Variants in ITGAL observed in about 807,000 individuals in gnomAD.
ITGAL encodes the protein integrin subunit alpha L, also known as integrin alpha-L.
Under a neutral mutation model 138.4 loss-of-function variants are expected in ITGAL, and 68 were observed. That is an observed-to-expected ratio of 0.49 (90% CI 0.40 to 0.60). The LOEUF is 0.60. ITGAL is among the 20% of genes least tolerant of loss of function. The pLI is 0.00. For missense variants in ITGAL, 1,256 were observed against 1,478.6 expected, an observed-to-expected ratio of 0.85 and a Z score of 2.47; for synonymous variants, 561 against 584.3, an observed-to-expected ratio of 0.96 and a Z score of 0.57.
chr16:30,496,065 T>C (rs746817493), intron 13 of ITGAL, 32 bp from the exon 14 acceptor site: 2 of 1,566,082 alleles, frequency 1.3e-6, no homozygotes, highest in African/African-American at 2.7e-5. Context: ...GCTGAGTGAC[T>C]TGGGTGTGAC....
Position 30,517,635 on chromosome 16 carries a change from C to T in ITGAL, c.2977-14C>T. 1 of 1,612,896 alleles carries T rather than the reference C, an allele frequency of 6.2e-7. No individual in the cohort carries two copies. The highest frequency in any genetic ancestry group is 8.5e-7 in the Non-Finnish European group (1 of 1,178,904). On this transcript the variant is annotated splice_polypyrimidine_tract_variant and intron_variant, in intron 26 of 30. Transcript: ENST00000356798. ...TGGGGAGGCTCTAACTGAAGACCTG[C>T]CGCTTGTTCCTAGGAGCCTCCCGTG...
chr16:30,515,631 C>T (rs1280345341), intron 25 of ITGAL, among the ~76,000 whole-genome samples: 2 of 152,168 alleles, frequency 1.3e-5, no homozygotes, highest in Non-Finnish European at 2.9e-5. Context: ...TCCTGGCTCC[C>T]CACATGTCTC....
intron 14 of ITGAL, 22 bp downstream of exon 14, chr16:30,496,316 T>C (rs2050799392): frequency 1.9e-6 from 3 of 1,602,150 alleles, no homozygotes; most frequent in Non-Finnish European, 2.6e-6. Flanking sequence ...TGCCTGCCAA[T>C]CACACTCCAT....
At chr16:30,492,527 C>T (rs371759591) in intron 11 of ITGAL, among the ~76,000 whole-genome samples, 8 of 151,610 alleles carry the variant, frequency 5.3e-5, no homozygotes, top group African/African-American at 1.9e-4. Context: ...GCTGGGATTA[C>T]AGGCGTGTGC....
At position 30,509,171 on chromosome 16, in the gene ITGAL, C is replaced by T. The variant is rs371445843; in HGVS notation, c.2509-1190C>T. Among the ~76,000 whole-genome samples the T allele has an allele frequency of 1.1e-4, 16 of 141,098 alleles. No individual in the cohort carries two copies. In the East Asian group the frequency reaches 2.3e-3, roughly 20 times the overall value. 92.6% of individuals were successfully genotyped at this position (141,098 alleles called of 152,430 possible). On this transcript the variant is annotated intron_variant, in intron 21 of 30. Coordinates refer to ENST00000356798, the MANE Select transcript of ITGAL (RefSeq NM_002209.3). ...AGCCTGGGTGACAACAGCAAGACTC[C>T]ATCTCAAAAAAAAAAAAAAAAGAGA...
In ITGAL at chr16:30,496,250, A is replaced by C. The variant is rs1049539142; in HGVS notation, c.1657A>C (p.Ile553Leu). ...APLEEQGAVY[I>L]FNGRHGGLSP... Reference sequence around the variant, plus strand: ...TCTGGAGGAGCAGGGGGCTGTGTACATCTTCAATGGGAGGCACGGGGGGCT... The same window carrying C: ...TCTGGAGGAGCAGGGGGCTGTGTACCTCTTCAATGGGAGGCACGGGGGGCT... Residue 553 changes from isoleucine to leucine, a missense_variant, in exon 14 of 31, where the codon ATC (isoleucine) becomes CTC (leucine). Transcript: ENST00000356798. The C allele has an allele frequency of 3.1e-6, 5 of 1,606,574 alleles. No homozygotes were observed. In the South Asian group the frequency reaches 3.3e-5, roughly 11 times the overall value.
intron 6 of ITGAL, chr16:30,481,185 A>ACCG: frequency 2.7e-6 from 1 of 373,626 alleles, no homozygotes; most frequent in East Asian, 6.1e-5. Flanking sequence ...CACACACACC[A>ACCG]CACACACACA....
chr16:30,484,805 G>A (rs1270850219), intron 9 of ITGAL, among the ~76,000 whole-genome samples: 1 of 150,544 alleles, frequency 6.6e-6, no homozygotes, highest in Non-Finnish European at 1.5e-5. Context: ...TGTAATCCCA[G>A]CTACTCAGGG....
At chr16:30,481,178 ACACACC>A in intron 6 of ITGAL, 1 of 368,162 alleles carries the variant, frequency 2.7e-6, no homozygotes, top group Non-Finnish European at 5.0e-6. Flanking sequence ...ACACACACAC[ACACACC>A]ACACACACAC....
chr16:30,483,949 ACAT>A lies in ITGAL; in HGVS notation c.850_852del (p.Ile284del), dbSNP rs1358323508. On this transcript the variant is annotated inframe_deletion, in exon 8 of 31. Coordinates refer to ENST00000356798, the MANE Select transcript of ITGAL (RefSeq NM_002209.3). Reference sequence around the variant, plus strand: ...GATGCGGCCAAAGACATCATCCGCTACATCATCGGGGTAGGGCCCCTGCTGCTT... The same window carrying A: ...GATGCGGCCAAAGACATCATCCGCTACATCGGGGTAGGGCCCCTGCTGCTT... 6.2e-7 allele frequency: 1 copy of A among 1,613,236 alleles called. No individual in the cohort carries two copies. The highest frequency in any genetic ancestry group is 2.2e-5 in the East Asian group (1 of 44,838).
chr16:30,503,124 CT>C (rs1281120447), intron 17 of ITGAL, among the ~76,000 whole-genome samples: 1 of 152,036 alleles, frequency 6.6e-6, no homozygotes, highest in Non-Finnish European at 1.5e-5. Flanking sequence ...CTGTTTTAAA[CT>C]TTTTATTATG....
At chr16:30,496,399 C>T in intron 14 of ITGAL, 37 bp from the exon 15 acceptor site, 2 of 1,614,030 alleles carry the variant, frequency 1.2e-6, no homozygotes, top group Non-Finnish European at 1.7e-6. Flanking sequence ...CAACCTACCT[C>T]TCCTCAGCTT....
chr16:30,496,244 G>T lies in ITGAL; in HGVS notation c.1651G>T (p.Val551Leu). Reference protein sequence around the residue: ...VGAPLEEQGAVYIFNGRHGGL... With the variant: ...VGAPLEEQGALYIFNGRHGGL... ...GGCCCCTCTGGAGGAGCAGGGGGCT[G>T]TGTACATCTTCAATGGGAGGCACGG... Residue 551 changes from valine to leucine, a missense_variant, in exon 14 of 31, where the codon GTG becomes TTG. Physicochemically the swap from Val to Leu is conservative, Grantham distance 32. Coordinates refer to ENST00000356798, the MANE Select transcript of ITGAL (RefSeq NM_002209.3). 6.2e-7 allele frequency: 1 copy of T among 1,608,630 alleles called. No individual in the cohort carries two copies. The highest frequency in any genetic ancestry group is 8.5e-7 in the Non-Finnish European group (1 of 1,177,164).
At position 30,521,496 on chromosome 16, in the gene ITGAL, G is replaced by A. The variant is rs1310909271; in HGVS notation, c.3344G>A (p.Gly1115Asp). The A allele has an allele frequency of 6.2e-7, 1 of 1,614,006 alleles. No individual in the cohort carries two copies. Among genetic ancestry groups the A allele is most frequent in the Non-Finnish European group, 8.5e-7 (1 of 1,179,936 alleles). The change falls in exon 31 of 31, where the codon GGT becomes GAT. Residue 1115 changes from glycine (G) to aspartate (D), a missense_variant. By Grantham distance (94) the Gly-to-Asp change is moderately conservative. This residue lies in a region of ITGAL where 867 missense variants were observed against 972.5 expected (regional missense o/e 0.89). Coordinates refer to ENST00000356798, the MANE Select transcript of ITGAL (RefSeq NM_002209.3). ...LLIFIVLYKVGFFKRNLKEKM... is the reference protein window; with the variant it reads ...LLIFIVLYKVDFFKRNLKEKM... Reference sequence around the variant, plus strand: ...TCAAATTTTGTCTTTGTACAGGTTGGTTTCTTCAAACGGAACCTGAAGGAG... The same window carrying A: ...TCAAATTTTGTCTTTGTACAGGTTGATTTCTTCAAACGGAACCTGAAGGAG...
intron 26 of ITGAL, 81 bp downstream of exon 26, chr16:30,517,167 T>A: frequency 1.1e-6 from 1 of 945,646 alleles, no homozygotes; most frequent in Non-Finnish European, 1.6e-6. Context: ...AGGGCAGGGC[T>A]TGGCCAGGTG....
chr16:30,511,720 C>T (rs982265270), intron 24 of ITGAL, among the ~76,000 whole-genome samples: 2 of 152,102 alleles, frequency 1.3e-5, no homozygotes, highest in African/African-American at 4.8e-5. Context: ...GTGGGAGAGC[C>T]CAAACTCATG....
intron 6 of ITGAL, 25 bp from the exon 7 acceptor site, chr16:30,481,414 T>C (rs777254128): frequency 5.1e-6 from 8 of 1,583,746 alleles, no homozygotes; most frequent in Admixed American, 1.7e-5. Context: ...TATAACTGAA[T>C]GTCATTTCTT....
intron 20 of ITGAL, 128 bp downstream of exon 20, chr16:30,505,590 A>G: frequency 1.4e-6 from 1 of 738,470 alleles, no homozygotes; most frequent in South Asian, 1.7e-5. Flanking sequence ...TTTCTGAGAA[A>G]TTTGAGGCTG....
rs145951975 is a variant in ITGAL at position 30,494,251 on chromosome 16, C to T, written c.1253C>T (p.Ser418Leu). 2.4e-5 allele frequency: 38 copies of T among 1,612,462 alleles called. No homozygotes were observed. Among genetic ancestry groups the T allele is most frequent in the South Asian group, 3.3e-5 (3 of 90,958 alleles). The change falls in exon 12 of 31, where the codon TCG (serine) becomes TTG (leucine). Residue 418 changes from serine (S) to leucine (L), a missense_variant. This residue lies in a region of ITGAL where 867 missense variants were observed against 972.5 expected (regional missense o/e 0.89). Transcript: ENST00000356798. The surrounding 1 kb of genome is among the most constrained non-coding windows in gnomAD (Gnocchi z 4.2). ...TGGCTGCCCTCCCGGCAAAAGACTT[C>T]GTTGCTGGCCTCGGGAGCCCCTCGA... is the stretch of plus-strand genomic sequence containing the variant. ...VTWLPSRQKT[S>L]LLASGAPRYQ...
Sources: allele counts gnomAD v4.1 joint callset (sites outside exome capture counted in the v4.1 genomes callset), GRCh38; gene constraint gnomAD v4.1.1; regional missense constraint gnomAD v4.1.1; non-coding constraint Gnocchi (gnomAD v3.1); transcripts MANE v1.5; gene names NCBI Gene and HGNC (gene_info 2026-07-23, HGNC 2026-07-21).